Variants in RORB observed in about 807,000 individuals in gnomAD.
The protein encoded by RORB is nuclear receptor ROR-beta.
A neutral mutation model predicts 59.1 loss-of-function variants in RORB; 6 were observed. That is an observed-to-expected ratio of 0.10 (90% confidence interval 0.06 to 0.20). The LOEUF (loss-of-function observed/expected upper bound fraction) is 0.20, where lower values mean the gene tolerates loss of function less well. Ranked by LOEUF, RORB falls within the 10% of genes least tolerant of loss-of-function variation. The probability of loss-of-function intolerance (pLI) is 1.00; values close to 1 mark genes in which losing one functional copy is unlikely to be tolerated. For synonymous variants in RORB, 215 were observed against 204.5 expected, an observed-to-expected ratio of 1.05 and a Z score of -0.44; for missense variants, 320 against 560.5, an observed-to-expected ratio of 0.57 and a Z score of 4.33.
chr9:74,681,308 G>T (rs1410081390), intron 9 of RORB, among the ~76,000 whole-genome samples: 1 of 152,330 alleles, frequency 6.6e-6, no homozygotes, highest in Non-Finnish European at 1.5e-5. Context: ...ATTGCCTGCT[G>T]CTCTCTACAC....
At chr9:74,552,621 T>C (rs1018352933) in intron 1 of RORB, among the ~76,000 whole-genome samples, 1 of 152,042 alleles carries the variant, frequency 6.6e-6, no homozygotes, top group African/African-American at 2.4e-5. Context: ...CAAAAGGGCT[T>C]CTTTTGCTCA....
intron 1 of RORB, among the ~76,000 whole-genome samples, chr9:74,579,557 G>T (rs541129848): frequency 1.3e-5 from 2 of 152,058 alleles, no homozygotes; most frequent in Non-Finnish European, 2.9e-5. Context: ...GTTGACACAA[G>T]ATTAAAATAT....
chr9:74,540,304 T>A (rs1293988606), intron 1 of RORB, among the ~76,000 whole-genome samples: 1 of 152,194 alleles, frequency 6.6e-6, no homozygotes, highest in Non-Finnish European at 1.5e-5. Flanking sequence ...TTGTGTTACT[T>A]TCTTTTGCAT....
Position 74,685,707 on chromosome 9 carries a change from C to A in RORB, c.*89C>A. On this transcript the variant is annotated 3_prime_UTR_variant, in exon 10 of 10. Transcript: ENST00000376896. ...TCATGAAGACTTAAGAAAAATGTCA[C>A]TACTGCAACATTAGGAATGTCCTGC... 1.0e-6 allele frequency: 1 copy of A among 984,846 alleles called. No homozygotes were observed. The highest frequency in any genetic ancestry group is 1.4e-6 in the Non-Finnish European group (1 of 693,058). 61.0% of individuals were successfully genotyped at this position (984,846 alleles called of 1,614,324 possible).
Position 74,524,875 on chromosome 9 carries a change from C to G in RORB, c.7+26892C>G, listed in dbSNP as rs1214339209. Among the ~76,000 whole-genome samples the G allele has an allele frequency of 2.0e-5, 3 of 151,674 alleles. No individual in the cohort carries two copies. In the East Asian group the frequency reaches 5.8e-4, roughly 29 times the overall value. On this transcript the variant is annotated intron_variant, in intron 1 of 9. Transcript: ENST00000376896. ...TTTTTTGAAAAATATGTCTTTGATT[C>G]TAATTTCCTAATACCTAATATTTCA...
intron 5 of RORB, among the ~76,000 whole-genome samples, chr9:74,661,707 C>T (rs1342980677): frequency 4.4e-4 from 59 of 133,256 alleles, no homozygotes; most frequent in African/African-American, 1.6e-3. Context: ...TGCAGTGGCG[C>T]GATCTCGGCT....
At chr9:74,652,231 A>G (rs1413976680) in intron 4 of RORB, among the ~76,000 whole-genome samples, 1 of 152,182 alleles carries the variant, frequency 6.6e-6, no homozygotes, top group Admixed American at 6.5e-5. Context: ...ACATGGTGAA[A>G]CTTCATCTCT....
At chr9:74,547,754 A>G (rs1266249537) in intron 1 of RORB, among the ~76,000 whole-genome samples, 1 of 152,228 alleles carries the variant, frequency 6.6e-6, no homozygotes, top group Non-Finnish European at 1.5e-5. Context: ...AGTGACTCCT[A>G]TGACCCATGA....
chr9:74,518,538 T>G (rs1255789858), intron 1 of RORB, among the ~76,000 whole-genome samples: 1 of 151,998 alleles, frequency 6.6e-6, no homozygotes, highest in Non-Finnish European at 1.5e-5. Flanking sequence ...GTTGTTACCC[T>G]TAACTATGCA....
intron 1 of RORB, among the ~76,000 whole-genome samples, chr9:74,527,189 C>T (rs1463769999): frequency 6.6e-6 from 1 of 151,972 alleles, no homozygotes; most frequent in Admixed American, 6.6e-5. Context: ...TCAGATTTCA[C>T]ATTAGAAATT....
intron 1 of RORB, among the ~76,000 whole-genome samples, chr9:74,550,011 G>A (rs1826582396): frequency 6.6e-6 from 1 of 152,132 alleles, no homozygotes; most frequent in South Asian, 2.1e-4. Flanking sequence ...ACAGGCATGA[G>A]CCCCTGCGCC....
intron 3 of RORB, among the ~76,000 whole-genome samples, chr9:74,641,324 G>C (rs1823802153): frequency 6.6e-6 from 1 of 152,172 alleles, no homozygotes; most frequent in Non-Finnish European, 1.5e-5. Context: ...AAAGCACCTT[G>C]ATATTACCCT....
In RORB at chr9:74,642,884, G is replaced by A. The variant is rs1447727036; in HGVS notation, c.637+69G>A. The A allele has an allele frequency of 9.0e-6, 11 of 1,221,174 alleles. No individual in the cohort carries two copies. In the East Asian group the frequency reaches 2.2e-4, roughly 24 times the overall value. The allele number at this position is 1,221,174 out of a possible 1,614,324, so 75.6% of individuals were successfully genotyped here. On this transcript the variant is annotated intron_variant, in intron 4 of 9. Coordinates refer to ENST00000376896, the MANE Select transcript of RORB (RefSeq NM_006914.4). ...TTTGAATTTACCTTGGTCCTATTTA[G>A]TATGGTAATTTTCTTAAGACTTAAA...
intron 3 of RORB, among the ~76,000 whole-genome samples, chr9:74,635,310 C>T (rs895306262): frequency 2.0e-5 from 3 of 152,140 alleles, no homozygotes; most frequent in African/African-American, 4.8e-5. Context: ...AAGGCTAGAG[C>T]GAAGTCCAAG....
intron 1 of RORB, among the ~76,000 whole-genome samples, chr9:74,550,104 G>A (rs1324475792): frequency 6.6e-6 from 1 of 152,034 alleles, no homozygotes; most frequent in Non-Finnish European, 1.5e-5. Flanking sequence ...AATTCAAAAT[G>A]TTCTTATCAA....
chr9:74,528,188 C>A (rs1826184965), intron 1 of RORB, among the ~76,000 whole-genome samples: 2 of 151,984 alleles, frequency 1.3e-5, no homozygotes. Context: ...AAGAAATTAC[C>A]CAACTTGAGT....
At chr9:74,678,343 T>G (rs1169480194) in intron 9 of RORB, among the ~76,000 whole-genome samples, 2 of 152,194 alleles carry the variant, frequency 1.3e-5, no homozygotes, top group African/African-American at 2.4e-5. Context: ...AGAATTGCAG[T>G]AAGTTGGGCC....
At chr9:74,551,702 G>A (rs906005420) in intron 1 of RORB, among the ~76,000 whole-genome samples, 1 of 152,140 alleles carries the variant, frequency 6.6e-6, no homozygotes, top group African/African-American at 2.4e-5. Flanking sequence ...AGATAGTTTA[G>A]TTTAACTTAA....
Position 74,685,562 on chromosome 9 carries a change from T to C in RORB, c.1324T>C (p.Phe442Leu), listed in dbSNP as rs769548562. The C allele has an allele frequency of 1.2e-6, 2 of 1,612,512 alleles. No homozygotes were observed. The highest frequency in any genetic ancestry group is 2.2e-5 in the South Asian group (2 of 90,940). The change falls in exon 10 of 10, where the codon TTT becomes CTT. Residue 442 changes from phenylalanine to leucine, a missense_variant. Coordinates refer to ENST00000376896, the MANE Select transcript of RORB (RefSeq NM_006914.4). Reference sequence around the variant, plus strand: ...TCATCCAGAGATAGTGAATACACTGTTTCCTCCGTTATACAAGGAGCTCTT... The same window carrying C: ...TCATCCAGAGATAGTGAATACACTGCTTCCTCCGTTATACAAGGAGCTCTT... ...QSHPEIVNTL[F>L]PPLYKELFNP...
Sources: gnomAD v4.1 joint callset for allele counts (sites outside exome capture counted in the v4.1 genomes callset) on GRCh38, gnomAD v4.1.1 for gene constraint, MANE v1.5 for transcripts, NCBI Gene and HGNC (gene_info 2026-07-23, HGNC 2026-07-21) for gene names.